Variants in NDUFA9 observed in about 807,000 individuals in gnomAD.
NDUFA9 encodes the protein NADH:ubiquinone oxidoreductase subunit A9.
NDUFA9 carries 23 observed loss-of-function variants against 45.9 expected under a neutral mutation model. The ratio of observed to expected loss-of-function variants is 0.50; its 90% CI spans 0.36 to 0.71. The LOEUF (loss-of-function observed/expected upper bound fraction) is 0.71, where lower values mean the gene tolerates loss of function less well. Among genes scored for constraint, NDUFA9 ranks in the 30% least tolerant of loss-of-function variants. The probability of loss-of-function intolerance (pLI) is 0.00; values close to 1 mark genes in which losing one functional copy is unlikely to be tolerated. For synonymous variants in NDUFA9, 176 were observed against 170.5 expected, an observed-to-expected ratio of 1.03 and a Z score of -0.25; for missense variants, 466 against 488.2, an observed-to-expected ratio of 0.95 and a Z score of 0.43.
rs1945994892 is a variant in NDUFA9, at chr12:4,687,466, T to C, written c.*358T>C. ...ACCCCAAGTGATATGTGATTGTTTT[T>C]TAATTTCCATTAAATGAGAGAGCAT... On this transcript the variant is annotated 3_prime_UTR_variant, in exon 11 of 11. Transcript: ENST00000266544. 6.1e-6 allele frequency: 1 copy of C among 163,008 alleles called. No individual in the cohort carries two copies. Among genetic ancestry groups the C allele is most frequent in the African/African-American group, 2.4e-5 (1 of 41,824 alleles). The allele number at this position is 163,008 out of a possible 1,614,324, so 10.1% of individuals were successfully genotyped here.
intron 7 of NDUFA9, among the ~76,000 whole-genome samples, chr12:4,669,431 CTGAAGGTAAG>C (rs907136304): frequency 6.6e-6 from 1 of 152,212 alleles, no homozygotes; most frequent in Admixed American, 6.5e-5. Flanking sequence ...CTCAAGCTAT[CTGAAGGTAAG>C]TGCATTCCTA....
At chr12:4,682,757 C>T (rs1220446049) in intron 9 of NDUFA9, among the ~76,000 whole-genome samples, 3 of 152,180 alleles carry the variant, frequency 2.0e-5, no homozygotes, top group Admixed American at 2.0e-4. Context: ...TTTACTTCTT[C>T]TCTTTGTGGG....
chr12:4,659,650 C>T (rs1012880231), intron 5 of NDUFA9, among the ~76,000 whole-genome samples: 6 of 152,198 alleles, frequency 3.9e-5, no homozygotes, highest in Non-Finnish European at 5.9e-5. Flanking sequence ...TGCTTATGCT[C>T]CTTTTACTCC....
chr12:4,684,703 C>T (rs1251473831), intron 9 of NDUFA9, among the ~76,000 whole-genome samples: 1 of 152,126 alleles, frequency 6.6e-6, no homozygotes, highest in Admixed American at 6.5e-5. Context: ...TTTTCATTAG[C>T]AGTGAAGAGA....
intron 10 of NDUFA9, among the ~76,000 whole-genome samples, chr12:4,686,695 C>T (rs901475591): frequency 8.5e-5 from 13 of 152,154 alleles, no homozygotes; most frequent in East Asian, 5.8e-4. Flanking sequence ...CCTGTGCTCG[C>T]GGCTGCCACT....
In NDUFA9 at chr12:4,659,179, T is replaced by C. The variant is rs1251081171; in HGVS notation, c.552+2T>C. ...TCTTCTAGATATTTGAGAAATAAGG[T>C]AAGTAACAAATTGATCTGGGAAGTG... On this transcript the variant is annotated splice_donor_variant, in intron 5 of 10. Coordinates refer to ENST00000266544, the MANE Select transcript of NDUFA9 (RefSeq NM_005002.5). LOFTEE classifies it high-confidence loss of function. 1.2e-6 allele frequency: 2 copies of C among 1,609,896 alleles called. No homozygotes were observed. Among genetic ancestry groups the C allele is most frequent in the Admixed American group, 1.7e-5 (1 of 59,744 alleles).
chr12:4,681,140 G>T lies in NDUFA9; in HGVS notation c.801-1065G>T, dbSNP rs149748839. Among the ~76,000 whole-genome samples the T allele has an allele frequency of 2.7e-3, 416 of 151,624 alleles. 7 individuals are homozygous for T. The highest frequency in any genetic ancestry group is 9.7e-3 in the African/African-American group (402 of 41,416). ...AATACGTCACAGAAGGAACTTTATAGTAAAAAAAAAATCTTTTTTATAAGG... is the reference window on the plus strand; with the variant it reads ...AATACGTCACAGAAGGAACTTTATATTAAAAAAAAAATCTTTTTTATAAGG... On this transcript the variant is annotated intron_variant, in intron 8 of 10. Coordinates refer to ENST00000266544, the MANE Select transcript of NDUFA9 (RefSeq NM_005002.5).
At chr12:4,650,241 C>CT (rs997383849) in intron 1 of NDUFA9, among the ~76,000 whole-genome samples, 2,041 of 148,786 alleles carry the variant, frequency 0.014, 39 homozygotes, top group African/African-American at 0.045. Flanking sequence ...TTAGAGGATC[C>CT]TTTTTTTTTT....
chr12:4,664,780 T>C (rs1208966305), intron 6 of NDUFA9, among the ~76,000 whole-genome samples: 1 of 152,172 alleles, frequency 6.6e-6, no homozygotes, highest in Admixed American at 6.5e-5. Flanking sequence ...GCAAAGAAGA[T>C]TATTGATTTT....
intron 6 of NDUFA9, among the ~76,000 whole-genome samples, chr12:4,665,391 C>A (rs1183294232): frequency 6.6e-6 from 1 of 152,148 alleles, no homozygotes; most frequent in Non-Finnish European, 1.5e-5. Context: ...AGGTGCATTC[C>A]TGTTGTACCA....
At chr12:4,678,919 A>G (rs1945936570) in intron 8 of NDUFA9, among the ~76,000 whole-genome samples, 1 of 152,220 alleles carries the variant, frequency 6.6e-6, no homozygotes. Context: ...TTTTACTCCT[A>G]GATATTTACC....
In NDUFA9 at chr12:4,689,389, G is replaced by A. The variant is rs1946006417; in HGVS notation, c.*2281G>A. The A allele has an allele frequency of 6.6e-6, 1 of 152,264 alleles. No homozygotes were observed. The highest frequency in any genetic ancestry group is 1.9e-4 in the East Asian group (1 of 5,204). The allele number at this position is 152,264 out of a possible 1,614,324, so 9.4% of individuals were successfully genotyped here. On this transcript the variant is annotated 3_prime_UTR_variant, in exon 11 of 11. Transcript: ENST00000266544. Reference sequence around the variant, plus strand: ...GTCATAGGACAATAGTGGAGGGAAGGTCAGCAGATAAACAAGTGAACAAAG... The same window carrying A: ...GTCATAGGACAATAGTGGAGGGAAGATCAGCAGATAAACAAGTGAACAAAG...
chr12:4,671,619 G>A (rs12312427), intron 8 of NDUFA9, among the ~76,000 whole-genome samples: 308 of 152,144 alleles, frequency 2.0e-3, no homozygotes, highest in African/African-American at 7.2e-3. Flanking sequence ...ATATGGTAAT[G>A]CAAAGACCCA....
chr12:4,662,163 C>T (rs1432238453), intron 5 of NDUFA9, among the ~76,000 whole-genome samples: 1 of 152,212 alleles, frequency 6.6e-6, no homozygotes, highest in Non-Finnish European at 1.5e-5. Context: ...ATTATTGCAG[C>T]CTGCTGCCAC....
Position 4,685,344 on chromosome 12 carries a change from A to G in NDUFA9, c.963+19A>G, listed in dbSNP as rs1371058456. On this transcript the variant is annotated intron_variant, in intron 10 of 10. Transcript: ENST00000266544. ...GGAGCGGGTGAGTACATGTGTGGAAAGCGTCTGCCTGGGCAGATGATGAGG... is the reference window on the plus strand; with the variant it reads ...GGAGCGGGTGAGTACATGTGTGGAAGGCGTCTGCCTGGGCAGATGATGAGG... The G allele has an allele frequency of 2.5e-6, 4 of 1,603,448 alleles. No individual in the cohort carries two copies. The highest frequency in any genetic ancestry group is 1.7e-5 in the Admixed American group (1 of 59,852).
rs80097844 is a variant in NDUFA9 at position 4,654,031 on chromosome 12, G to C, written c.50-261G>C. ...ATAGGCTTATGCTTTCCTACTTTGT[G>C]ACTGTTTAATATGTTTTTTAAAAAA... is the stretch of plus-strand genomic sequence containing the variant. On this transcript the variant is annotated intron_variant, in intron 1 of 10. Transcript: ENST00000266544. Among the ~76,000 whole-genome samples, 1,758 of 152,036 alleles carry C rather than the reference G, an allele frequency of 0.012. 37 individuals carry two copies. The highest frequency in any genetic ancestry group is 0.039 in the African/African-American group (1,624 of 41,438).
chr12:4,687,316 T>G lies in NDUFA9; in HGVS notation c.*208T>G, dbSNP rs188181769. The G allele has an allele frequency of 1.9e-5, 9 of 482,820 alleles. No homozygotes were observed. Among genetic ancestry groups the G allele is most frequent in the Admixed American group, 3.8e-5 (1 of 26,440 alleles). 29.9% of individuals were successfully genotyped at this position (482,820 alleles called of 1,614,324 possible). On this transcript the variant is annotated 3_prime_UTR_variant, in exon 11 of 11. Transcript: ENST00000266544. ...GAGCATGATTTTTGTTAAACATATT[T>G]AATAATGATATATATACTATTTATT... is the stretch of plus-strand genomic sequence containing the variant.
At chr12:4,658,529 T>A (rs897621365) in intron 4 of NDUFA9, among the ~76,000 whole-genome samples, 1 of 152,188 alleles carries the variant, frequency 6.6e-6, no homozygotes, top group African/African-American at 2.4e-5. Flanking sequence ...TTTTTTTCCC[T>A]TGCGGGAAAC....
chr12:4,658,830 T>G (rs553438276), intron 4 of NDUFA9, among the ~76,000 whole-genome samples: 1 of 152,332 alleles, frequency 6.6e-6, no homozygotes, highest in South Asian at 2.1e-4. Flanking sequence ...GCTCAAATGA[T>G]TCACCCGCCT....
Sources: gnomAD v4.1 joint callset for allele counts (sites outside exome capture counted in the v4.1 genomes callset) on GRCh38, gnomAD v4.1.1 for gene constraint, MANE v1.5 for transcripts, NCBI Gene and HGNC (gene_info 2026-07-23, HGNC 2026-07-21) for gene names.